Variants in WIPF3 observed in about 807,000 individuals in gnomAD.
WIPF3 encodes WAS/WASL interacting protein family member 3.
Under a neutral mutation model 38.9 loss-of-function variants are expected in WIPF3, and 33 were observed. The observed-to-expected ratio is 0.85, with a 90% CI of 0.64 to 1.14. The LOEUF (loss-of-function observed/expected upper bound fraction) is 1.14, where lower values mean the gene tolerates loss of function less well. Among genes scored for constraint, WIPF3 ranks in the 50% most tolerant of loss-of-function variants. The pLI is 0.00. For missense variants in WIPF3, 711 were observed against 652.5 expected (o/e 1.09, Z -0.98); for synonymous variants, 324 against 269.3 (o/e 1.20, Z -1.99).
At chr7:29,818,114 T>C (rs1784483392) in intron 1 of WIPF3, among the ~76,000 whole-genome samples, 1 of 152,186 alleles carries the variant, frequency 6.6e-6, no homozygotes, top group South Asian at 2.1e-4. Flanking sequence ...TTTTGGAGTT[T>C]ATTGGTTTGG....
chr7:29,890,268 C>T (rs776221395), intron 7 of WIPF3, among the ~76,000 whole-genome samples: 1 of 151,142 alleles, frequency 6.6e-6, no homozygotes, highest in Non-Finnish European at 1.5e-5. Flanking sequence ...GGGAGGATTG[C>T]TTGAGCCCAG....
chr7:29,889,358 G>T lies in WIPF3; in HGVS notation c.1302G>T (p.Pro434=). The T allele has an allele frequency of 1.2e-6, 2 of 1,613,880 alleles. No homozygotes were observed. Among genetic ancestry groups the T allele is most frequent in the Non-Finnish European group, 1.7e-6 (2 of 1,179,854 alleles). ...ATTCTGTGGAAGACTTTCCCCCTCC[G>T]GATGAATATAAACCATGCCAGAAGA... ...TFHSVEDFPP[P]DEYKPCQKIY... Residue 434 remains proline (P), a synonymous_variant, in exon 7 of 9, where the codon CCG becomes CCT. Transcript: ENST00000242140.
At chr7:29,839,311 C>T (rs750245774) in intron 2 of WIPF3, among the ~76,000 whole-genome samples, 49 of 152,140 alleles carry the variant, frequency 3.2e-4, no homozygotes, top group Non-Finnish European at 2.9e-4. Context: ...CTTCCAATGT[C>T]GTGATTGATT....
At chr7:29,842,983 G>T (rs1237252109) in intron 2 of WIPF3, among the ~76,000 whole-genome samples, 2 of 152,194 alleles carry the variant, frequency 1.3e-5, no homozygotes. Context: ...AACTGATAGT[G>T]GCCACTGGAA....
At chr7:29,889,710 C>T (rs1006802187) in intron 7 of WIPF3, among the ~76,000 whole-genome samples, 1 of 152,172 alleles carries the variant, frequency 6.6e-6, no homozygotes, top group African/African-American at 2.4e-5. Context: ...AACTAACCAA[C>T]CCAGATAACA....
At position 29,904,361 on chromosome 7, in the gene WIPF3, A is replaced by G. The variant is rs750695499; in HGVS notation, c.1427A>G (p.Gln476Arg). 9.9e-6 allele frequency: 16 copies of G among 1,613,522 alleles called. 1 individual carries two copies. The South Asian group carries it at 1.8e-4, about 18-fold the overall frequency. ...SSDDIKGRNS[Q>R]LSLKTLR ...GATGACATCAAAGGCAGAAATTCTC[A>G]GGTAACACAAGCCTCATGTCTCTGA... The change falls in exon 8 of 9, where the codon CAG (glutamine) becomes CGG (arginine). Residue 476 changes from glutamine (Q) to arginine (R), a missense_variant and splice_region_variant. Coordinates refer to ENST00000242140, the MANE Select transcript of WIPF3 (RefSeq NM_001080529.3).
intron 2 of WIPF3, among the ~76,000 whole-genome samples, chr7:29,875,560 A>G (rs1210511742): frequency 2.0e-5 from 3 of 152,128 alleles, no homozygotes; most frequent in Non-Finnish European, 2.9e-5. Context: ...AAGAGGGGCT[A>G]TGATTTAGGG....
intron 1 of WIPF3, among the ~76,000 whole-genome samples, chr7:29,815,970 G>C (rs890478204): frequency 3.3e-5 from 5 of 152,140 alleles, no homozygotes. Context: ...TCCTACTCTC[G>C]ATGGCTCCAG....
chr7:29,856,502 G>A (rs1785189472), intron 2 of WIPF3, among the ~76,000 whole-genome samples: 2 of 152,042 alleles, frequency 1.3e-5, no homozygotes, highest in Non-Finnish European at 2.9e-5. Context: ...TTGGTGTGCT[G>A]TCTGTTGTCT....
intron 7 of WIPF3, among the ~76,000 whole-genome samples, chr7:29,903,230 G>A (rs896421373): frequency 7.2e-5 from 11 of 152,084 alleles, no homozygotes; most frequent in African/African-American, 2.7e-4. Flanking sequence ...GAAGGTTGAG[G>A]CTGCAGTGAG....
At chr7:29,872,664 C>T (rs1227665261) in intron 2 of WIPF3, among the ~76,000 whole-genome samples, 1 of 151,754 alleles carries the variant, frequency 6.6e-6, no homozygotes, top group Non-Finnish European at 1.5e-5. Flanking sequence ...GGCGTGGTGG[C>T]GGGCGCCTGT....
intron 2 of WIPF3, among the ~76,000 whole-genome samples, chr7:29,853,782 T>TA (rs1187897945): frequency 3.3e-5 from 5 of 152,234 alleles, no homozygotes; most frequent in Admixed American, 2.6e-4. Context: ...ATGTGAAGAC[T>TA]AATTGAATTA....
chr7:29,829,990 A>G (rs745697040), intron 1 of WIPF3, among the ~76,000 whole-genome samples: 35 of 152,218 alleles, frequency 2.3e-4, no homozygotes, highest in South Asian at 8.3e-4. Flanking sequence ...GAGAGAACAC[A>G]AAGCCTCGAA....
intron 1 of WIPF3, among the ~76,000 whole-genome samples, chr7:29,827,426 A>G (rs935939378): frequency 1.3e-5 from 2 of 152,212 alleles, no homozygotes; most frequent in African/African-American, 4.8e-5. Flanking sequence ...AAATTCTTTT[A>G]TTATTTTACT....
chr7:29,890,663 A>G (rs536505512), intron 7 of WIPF3, among the ~76,000 whole-genome samples: 2 of 152,312 alleles, frequency 1.3e-5, no homozygotes, highest in African/African-American at 4.8e-5. Flanking sequence ...GAGCAGAGGG[A>G]ATGCAGGCCT....
In WIPF3 at chr7:29,888,136, A is replaced by G; in HGVS notation, c.1168A>G (p.Ser390Gly). 6.2e-7 allele frequency: 1 copy of G among 1,613,896 alleles called. No homozygotes were observed. The highest frequency in any genetic ancestry group is 1.6e-4 in the Middle Eastern group (1 of 6,062). Residue 390 changes from serine (S) to glycine (G), a missense_variant, in exon 6 of 9, where the codon AGC (serine) becomes GGC (glycine). Ser to Gly is a moderately conservative substitution (Grantham distance 56). Coordinates refer to ENST00000242140, the MANE Select transcript of WIPF3 (RefSeq NM_001080529.3). The part of the protein sequence containing the change: ...PARSPTTELS[S>G]KSQQATAWTP... Reference sequence around the variant, plus strand: ...GAGATCACCTACCACAGAGCTTTCAAGCAAGAGCCAGCAGGCCACAGCCTG... The same window carrying G: ...GAGATCACCTACCACAGAGCTTTCAGGCAAGAGCCAGCAGGCCACAGCCTG...
chr7:29,884,566 C>T lies in WIPF3; in HGVS notation c.1072C>T (p.Leu358=). 1.9e-6 allele frequency: 3 copies of T among 1,604,550 alleles called. No homozygotes were observed. The highest frequency in any genetic ancestry group is 1.7e-6 in the Non-Finnish European group (2 of 1,176,814). Reference sequence around the variant, plus strand: ...TGCCCCTCCGGGCTCCCAGCCGTTCCTGCAGAAGAAGAGGCATGGCCGACC... The same window carrying T: ...TGCCCCTCCGGGCTCCCAGCCGTTCTTGCAGAAGAAGAGGCATGGCCGACC... The part of the protein sequence containing the change: ...PPAPPGSQPF[L]QKKRHGRPGA... Residue 358 remains leucine, a synonymous_variant, in exon 5 of 9, where the codon CTG becomes TTG. Transcript: ENST00000242140.
At chr7:29,816,239 T>C (rs1784456164) in intron 1 of WIPF3, among the ~76,000 whole-genome samples, 1 of 152,332 alleles carries the variant, frequency 6.6e-6, no homozygotes, top group Admixed American at 6.5e-5. Context: ...ATATTTCCTG[T>C]ACTCTATCCT....
intron 7 of WIPF3, among the ~76,000 whole-genome samples, chr7:29,893,370 G>A (rs1786067558): frequency 6.6e-6 from 1 of 152,138 alleles, no homozygotes; most frequent in South Asian, 2.1e-4. Flanking sequence ...TGATAGGGTG[G>A]GGCAAGGGCA....
Sources: gnomAD v4.1 joint callset for allele counts (sites outside exome capture counted in the v4.1 genomes callset) on GRCh38, gnomAD v4.1.1 for gene constraint, MANE v1.5 for transcripts, NCBI Gene and HGNC (gene_info 2026-07-23, HGNC 2026-07-21) for gene names.